ITIH5: variants seen among roughly 807,000 people sequenced by gnomAD.
The protein encoded by ITIH5 is inter-alpha-trypsin inhibitor heavy chain 5.
A neutral mutation model predicts 77.5 loss-of-function variants in ITIH5; 65 were observed. That is an observed-to-expected ratio of 0.84 (90% confidence interval 0.69 to 1.03). The LOEUF is 1.03. Among genes scored for constraint, ITIH5 ranks in the 50% least tolerant of loss-of-function variants. The probability of loss-of-function intolerance (pLI) is 0.00; values close to 1 mark genes in which losing one functional copy is unlikely to be tolerated. For missense variants in ITIH5, 1,208 were observed against 1,213.1 expected, an observed-to-expected ratio of 1.00 and a Z score of 0.06; for synonymous variants, 525 against 494.3, an observed-to-expected ratio of 1.06 and a Z score of -0.82.
chr10:7,644,626 C>CATATATATCATATATATCAT (rs1833958419), intron 2 of ITIH5, among the ~76,000 whole-genome samples: 1 of 98,400 alleles, frequency 1.0e-5, no homozygotes, highest in Non-Finnish European at 1.9e-5. Flanking sequence ...ATATATATCA[C>CATATATATCATATATATCAT]ATATATCACA....
intron 12 of ITIH5, among the ~76,000 whole-genome samples, chr10:7,566,908 GAAGA>G (rs1832196510): frequency 2.0e-5 from 2 of 100,624 alleles, no homozygotes; most frequent in Non-Finnish European, 2.1e-5. Context: ...AGAAGAAGAA[GAAGA>G]AGAAGAAGAA....
At chr10:7,606,823 C>G (rs2050348) in intron 7 of ITIH5, among the ~76,000 whole-genome samples, 97,418 of 152,224 alleles carry the variant, frequency 0.64, 32,659 homozygotes, top group Admixed American at 0.74. Flanking sequence ...ACCTCAACAA[C>G]AGCAATAAAT....
chr10:7,600,117 C>T (rs1322152009), intron 7 of ITIH5, among the ~76,000 whole-genome samples: 1 of 152,100 alleles, frequency 6.6e-6, no homozygotes, highest in East Asian at 1.9e-4. Flanking sequence ...TAAGTAGAAA[C>T]CTCACATCTC....
intron 9 of ITIH5, among the ~76,000 whole-genome samples, chr10:7,578,124 C>G (rs1202700525): frequency 1.3e-5 from 2 of 152,182 alleles, no homozygotes; most frequent in African/African-American, 4.8e-5. Context: ...AGGACAACAC[C>G]TGAGGGAAGC....
At chr10:7,566,860 GA>G in intron 12 of ITIH5, among the ~76,000 whole-genome samples, 1 of 64,896 alleles carries the variant, frequency 1.5e-5, no homozygotes, top group Non-Finnish European at 3.0e-5. Context: ...AGAAGAAGAA[GA>G]AGAAGAAGAA....
At chr10:7,640,995 C>T (rs893035433) in intron 3 of ITIH5, 140 bp from the exon 4 acceptor site, 5 of 710,458 alleles carry the variant, frequency 7.0e-6, no homozygotes, top group Non-Finnish European at 1.0e-5. Context: ...CAGACTAGGG[C>T]ACTACCTTTG....
intron 5 of ITIH5, among the ~76,000 whole-genome samples, chr10:7,629,492 AGC>A: frequency 2.0e-5 from 3 of 149,898 alleles, no homozygotes; most frequent in African/African-American, 7.4e-5. Flanking sequence ...TCCATGTTGT[AGC>A]GTGTGTCCAT....
Position 7,637,287 on chromosome 10 carries a change from G to T in ITIH5, c.593C>A (p.Ala198Glu), listed in dbSNP as rs1036282177. Residue 198 changes from alanine (A) to glutamate (E), a missense_variant, in exon 5 of 14, where the codon GCA (alanine) becomes GAA (glutamate). Ala to Glu is a moderately radical substitution (Grantham distance 107). Coordinates refer to ENST00000397146, the MANE Select transcript of ITIH5 (RefSeq NM_030569.7). Reference protein sequence around the residue: ...DVNILESAGIASLEVLPLHNS... With the variant: ...DVNILESAGIESLEVLPLHNS... ...GTGAAGCGGCAGCACCTCCAGGGAT[G>T]CGATGCCCGCGCTCTCCAGGATATT... is the stretch of plus-strand genomic sequence containing the variant. The T allele has an allele frequency of 3.7e-6, 6 of 1,612,440 alleles. No individual in the cohort carries two copies. The African/African-American group carries it at 8.0e-5, about 22-fold the overall frequency.
Position 7,560,675 on chromosome 10 carries a change from C to A in ITIH5, c.*2408G>T, listed in dbSNP as rs1832024866. The A allele has an allele frequency of 6.6e-6, 1 of 152,190 alleles. No homozygotes were observed. The highest frequency in any genetic ancestry group is 2.4e-5 in the African/African-American group (1 of 41,442). The allele number at this position is 152,190 out of a possible 1,614,324, so 9.4% of individuals were successfully genotyped here. On this transcript the variant is annotated 3_prime_UTR_variant, in exon 14 of 14. Coordinates refer to ENST00000397146, the MANE Select transcript of ITIH5 (RefSeq NM_030569.7). ...TCCCAGTTAGTCAGTGATCATGACA[C>A]ATTAACTATTGTGATAACAAGGAGA...
At chr10:7,627,262 C>A (rs995024141) in intron 5 of ITIH5, among the ~76,000 whole-genome samples, 2 of 150,246 alleles carry the variant, frequency 1.3e-5, no homozygotes, top group African/African-American at 4.9e-5. Flanking sequence ...ATGTAACAAA[C>A]CTGCACGTTC....
At chr10:7,593,182 G>C (rs1329123848) in intron 7 of ITIH5, among the ~76,000 whole-genome samples, 6 of 152,092 alleles carry the variant, frequency 3.9e-5, no homozygotes, top group Non-Finnish European at 8.8e-5. Context: ...AGCAGCTACA[G>C]GCTCCTTATG....
intron 12 of ITIH5, among the ~76,000 whole-genome samples, chr10:7,568,240 G>C (rs1305886879): frequency 6.6e-6 from 1 of 152,156 alleles, no homozygotes; most frequent in Non-Finnish European, 1.5e-5. Flanking sequence ...TGTTTTCTCT[G>C]CTTTGAGAAC....
rs373032276 is a variant in ITIH5, at chr10:7,576,705, G to T, written c.1726C>A (p.Leu576Ile). The T allele has an allele frequency of 6.2e-7, 1 of 1,614,110 alleles. No individual in the cohort carries two copies. Among genetic ancestry groups the T allele is most frequent in the Non-Finnish European group, 8.5e-7 (1 of 1,180,014 alleles). The stretch of plus-strand genomic sequence containing the variant: ...TCCTTTGTGGTGAGGTAGCTCCAGA[G>T]ACGCTCGATGTGGTTGGTGTCCCCC... Reference protein sequence around the residue: ...GEGDTNHIERLWSYLTTKELL... With the variant: ...GEGDTNHIERIWSYLTTKELL... Residue 576 changes from leucine (L) to isoleucine (I), a missense_variant, in exon 10 of 14, where the codon CTC becomes ATC. Leu to Ile is a conservative substitution (Grantham distance 5). Coordinates refer to ENST00000397146, the MANE Select transcript of ITIH5 (RefSeq NM_030569.7).
chr10:7,612,026 C>A (rs1475990364), intron 7 of ITIH5, among the ~76,000 whole-genome samples: 1 of 151,392 alleles, frequency 6.6e-6, no homozygotes, highest in Non-Finnish European at 1.5e-5. Flanking sequence ...TAAATTGGCA[C>A]AGACTTTTTA....
At chr10:7,608,141 C>T (rs1479907702) in intron 7 of ITIH5, among the ~76,000 whole-genome samples, 1 of 152,202 alleles carries the variant, frequency 6.6e-6, no homozygotes, top group Admixed American at 6.5e-5. Flanking sequence ...GCTTTCTGAG[C>T]GCCTTCATTT....
intron 1 of ITIH5, among the ~76,000 whole-genome samples, chr10:7,664,459 C>T (rs1344904566): frequency 4.0e-5 from 6 of 151,764 alleles, no homozygotes; most frequent in East Asian, 1.9e-4. Context: ...ATCATCTGCG[C>T]CCCATCCCAA....
Position 7,562,711 on chromosome 10 carries a change from T to G in ITIH5, c.*372A>C. ...GTCCATTTCCACCAAGAAAAAAAGT[T>G]TCATAGCAACCTTCCTTCACCAGAA... On this transcript the variant is annotated 3_prime_UTR_variant, in exon 14 of 14. Coordinates refer to ENST00000397146, the MANE Select transcript of ITIH5 (RefSeq NM_030569.7). 1.5e-5 allele frequency: 3 copies of G among 205,210 alleles called. No individual in the cohort carries two copies. The highest frequency in any genetic ancestry group is 2.3e-4 in the East Asian group (2 of 8,544). The allele number at this position is 205,210 out of a possible 1,614,324, so 12.7% of individuals were successfully genotyped here.
Position 7,637,463 on chromosome 10 carries a change from TTCAGTCCCCTTC to T in ITIH5, c.405_416del (p.Lys136_Glu139del). On this transcript the variant is annotated inframe_deletion, in exon 5 of 14. Transcript: ENST00000397146. ...GAATCACTGCAGAAGCTCTGAATATTTCAGTCCCCTTCTCTCTGTCAGGAAAAAGGAAAAGGA... is the reference window on the plus strand; with the variant it reads ...GAATCACTGCAGAAGCTCTGAATATTTCTCTGTCAGGAAAAAGGAAAAGGA... 6.2e-7 allele frequency: 1 copy of T among 1,613,898 alleles called. No homozygotes were observed. Among genetic ancestry groups the T allele is most frequent in the Non-Finnish European group, 8.5e-7 (1 of 1,179,928 alleles).
chr10:7,588,628 C>A (rs902471783), intron 7 of ITIH5, among the ~76,000 whole-genome samples: 5 of 152,234 alleles, frequency 3.3e-5, no homozygotes, highest in Non-Finnish European at 7.3e-5. Flanking sequence ...TGAGTTTTTG[C>A]TAAAGTAATG....
Sources: allele counts gnomAD v4.1 joint callset (sites outside exome capture counted in the v4.1 genomes callset), GRCh38; gene constraint gnomAD v4.1.1; transcripts MANE v1.5; gene names NCBI Gene and HGNC (gene_info 2026-07-23, HGNC 2026-07-21).